GLB1L3: variants seen among roughly 807,000 people sequenced by gnomAD.
GLB1L3 encodes the protein beta-galactosidase-1-like protein 3.
In GLB1L3, 89 loss-of-function variants were observed where a neutral mutation model predicts 89.5. That is an observed-to-expected ratio of 0.99 (90% CI 0.84 to 1.19). GLB1L3 has a LOEUF of 1.19. GLB1L3 is among the 50% of genes most tolerant of loss of function. The pLI is 0.00. For missense variants in GLB1L3, 812 were observed against 813.3 expected (o/e 1.00, Z 0.02); for synonymous variants, 314 against 312.3 (o/e 1.01, Z -0.06).
At chr11:134,297,774 C>A (rs999816906) in intron 9 of GLB1L3, among the ~76,000 whole-genome samples, 1 of 146,832 alleles carries the variant, frequency 6.8e-6, no homozygotes, top group Non-Finnish European at 1.5e-5. Context: ...GCAGGAGAAT[C>A]GCTTGAACCC....
chr11:134,286,666 A>G lies in GLB1L3; in HGVS notation c.637-2132A>G, dbSNP rs11607462. On this transcript the variant is annotated intron_variant, in intron 6 of 19. Transcript: ENST00000431683. ...GTGGCGGGCGCCTGTAGTCCCAGCT[A>G]CTCGGGAGGCTGAGGCAGGAGAATG... 5.0e-4 allele frequency among the ~76,000 whole-genome samples: 76 copies of G among 150,916 alleles called. 1 individual carries two copies. In the Middle Eastern group the frequency reaches 0.01, roughly 21 times the overall value.
At chr11:134,287,894 A>G (rs1941111237) in intron 6 of GLB1L3, among the ~76,000 whole-genome samples, 1 of 152,200 alleles carries the variant, frequency 6.6e-6, no homozygotes, top group African/African-American at 2.4e-5. Flanking sequence ...CCTCAGAGCC[A>G]GCATTCTTTT....
chr11:134,312,717 C>A, intron 14 of GLB1L3, 99 bp from the exon 15 acceptor site: 1 of 1,040,528 alleles, frequency 9.6e-7, no homozygotes, highest in Non-Finnish European at 1.5e-6. Flanking sequence ...CACAGCTGGT[C>A]CCTGCCTTCA....
At chr11:134,308,616 CTAT>C (rs1287936144) in intron 10 of GLB1L3, among the ~76,000 whole-genome samples, 18 of 138,078 alleles carry the variant, frequency 1.3e-4, no homozygotes, top group African/African-American at 3.2e-4. Flanking sequence ...ACCACCACCA[CTAT>C]CACCACCATC....
In GLB1L3 at chr11:134,301,041, C is replaced by T. The variant is rs117723501; in HGVS notation, c.877-6083C>T. ...TCAGGGTGTCAGCCGCCATCCGTCT[C>T]GGCTCCCTTGACTTCAGACTCTCAC... On this transcript the variant is annotated intron_variant, in intron 9 of 19. Coordinates refer to ENST00000431683, the MANE Select transcript of GLB1L3 (RefSeq NM_001080407.3). 2.9e-3 allele frequency among the ~76,000 whole-genome samples: 449 copies of T among 152,340 alleles called. 1 individual carries two copies. The highest frequency in any genetic ancestry group is 6.4e-3 in the South Asian group (31 of 4,828).
At chr11:134,323,376 TGC>T (rs775499372), downstream of GLB1L3, among the ~76,000 whole-genome samples, 42 of 106,142 alleles carry the variant, frequency 4.0e-4, no homozygotes, top group African/African-American at 1.4e-3. Context: ...CACACATGCG[TGC>T]GCACACACAC....
At chr11:134,316,204 AC>A (rs1166312304) in intron 18 of GLB1L3, among the ~76,000 whole-genome samples, 1 of 147,328 alleles carries the variant, frequency 6.8e-6, no homozygotes, top group Non-Finnish European at 1.5e-5. Flanking sequence ...TGACTCCCAT[AC>A]CTTTTTTTTT....
intron 10 of GLB1L3, among the ~76,000 whole-genome samples, chr11:134,308,228 A>C (rs1942339570): frequency 3.2e-5 from 1 of 31,098 alleles, no homozygotes; most frequent in African/African-American, 1.6e-4. Context: ...CACCATCACC[A>C]CCACCACCAT....
chr11:134,313,557 G>A (rs1280379785), intron 16 of GLB1L3, 83 bp downstream of exon 16: 6 of 1,110,550 alleles, frequency 5.4e-6, no homozygotes, highest in African/African-American at 4.6e-5. Flanking sequence ...GGGAGAGGGT[G>A]GGGAAACCAG....
rs571920460 is a variant in GLB1L3 at position 134,310,746 on chromosome 11, C to A, written c.1180+95C>A. The A allele has an allele frequency of 6.7e-6, 6 of 892,044 alleles. No individual in the cohort carries two copies. The South Asian group carries it at 9.0e-5, about 13-fold the overall frequency. The allele number at this position is 892,044 out of a possible 1,614,324, so 55.3% of individuals were successfully genotyped here. A position where few individuals can be genotyped will look rare whatever the true frequency, so the allele number is the denominator to read the frequency against. Reference sequence around the variant, plus strand: ...GGAAGGCGTGGGTCTCCCTTGTGGGCAGCAGTTACACCAAGCTCCTGAGAA... The same window carrying A: ...GGAAGGCGTGGGTCTCCCTTGTGGGAAGCAGTTACACCAAGCTCCTGAGAA... On this transcript the variant is annotated intron_variant, in intron 12 of 19. Coordinates refer to ENST00000431683, the MANE Select transcript of GLB1L3 (RefSeq NM_001080407.3).
Position 134,312,867 on chromosome 11 carries a change from C to T in GLB1L3, c.1480C>T (p.Leu494=), listed in dbSNP as rs369647798. The T allele has an allele frequency of 6.2e-7, 1 of 1,608,812 alleles. No homozygotes were observed. The highest frequency in any genetic ancestry group is 8.5e-7 in the Non-Finnish European group (1 of 1,176,240). Residue 494 remains leucine (L), a synonymous_variant, in exon 15 of 20, where the codon CTG becomes TTG. Coordinates refer to ENST00000431683, the MANE Select transcript of GLB1L3 (RefSeq NM_001080407.3). The part of the protein sequence containing the change: ...IGILNENNKD[L]HIPELRDCRY... Reference sequence around the variant, plus strand: ...GATTCTGAATGAGAATAATAAGGACCTGCACATTCCTGAACTCAGGGTATG... The same window carrying T: ...GATTCTGAATGAGAATAATAAGGACTTGCACATTCCTGAACTCAGGGTATG...
intron 9 of GLB1L3, among the ~76,000 whole-genome samples, chr11:134,301,969 TATTA>T (rs149092220): frequency 0.025 from 3,833 of 152,324 alleles, 166 homozygotes; most frequent in African/African-American, 0.087. Context: ...TTTCTTTGAT[TATTA>T]ATTCATGACT....
chr11:134,323,056 C>T (rs549337496), downstream of GLB1L3, among the ~76,000 whole-genome samples: 4 of 152,270 alleles, frequency 2.6e-5, no homozygotes, highest in African/African-American at 4.8e-5. Context: ...TTTCTAAGTT[C>T]GCCACATCCT....
Position 134,312,339 on chromosome 11 carries a change from C to A in GLB1L3, c.1288-10C>A. Reference sequence around the variant, plus strand: ...CCTTGGACTTCTGCTCTTGCCATTTCTCCTCATAGCCAGTCAGGTCGCGTC... The same window carrying A: ...CCTTGGACTTCTGCTCTTGCCATTTATCCTCATAGCCAGTCAGGTCGCGTC... On this transcript the variant is annotated splice_polypyrimidine_tract_variant and intron_variant, in intron 13 of 19. Coordinates refer to ENST00000431683, the MANE Select transcript of GLB1L3 (RefSeq NM_001080407.3). 1.2e-6 allele frequency: 2 copies of A among 1,612,860 alleles called. No individual in the cohort carries two copies. The highest frequency in any genetic ancestry group is 1.7e-6 in the Non-Finnish European group (2 of 1,179,626).
At chr11:134,314,189 T>C (rs771940900) in intron 17 of GLB1L3, 141 bp from the exon 18 acceptor site, 60 of 737,720 alleles carry the variant, frequency 8.1e-5, no homozygotes, top group Admixed American at 4.6e-4. Flanking sequence ...ACAAGTGTCC[T>C]GATTCTGATC....
downstream of GLB1L3, among the ~76,000 whole-genome samples, chr11:134,320,608 C>T (rs949409185): frequency 1.3e-5 from 2 of 152,070 alleles, no homozygotes; most frequent in Non-Finnish European, 1.5e-5. Context: ...TAGTTCCACA[C>T]GTATGCCAGT....
chr11:134,308,220 C>T (rs1380163293), intron 10 of GLB1L3, among the ~76,000 whole-genome samples: 3 of 23,104 alleles, frequency 1.3e-4, no homozygotes, highest in Admixed American at 6.7e-4. Flanking sequence ...ACCACCATCA[C>T]CATCACCACC....
chr11:134,304,226 G>A (rs1942080908), intron 9 of GLB1L3, among the ~76,000 whole-genome samples: 1 of 152,028 alleles, frequency 6.6e-6, no homozygotes, highest in African/African-American at 2.4e-5. Context: ...GTCTACTTAT[G>A]CTGCTATTTG....
chr11:134,284,211 C>A (rs1940858459), intron 6 of GLB1L3, among the ~76,000 whole-genome samples: 1 of 152,170 alleles, frequency 6.6e-6, no homozygotes, highest in African/African-American at 2.4e-5. Context: ...TCACCTTCCA[C>A]CCTGTCCCAA....
Sources: allele counts gnomAD v4.1 joint callset (sites outside exome capture counted in the v4.1 genomes callset), GRCh38; gene constraint gnomAD v4.1.1; transcripts MANE v1.5; gene names NCBI Gene and HGNC (gene_info 2026-07-23, HGNC 2026-07-21).